CREB5: variants seen among roughly 807,000 people sequenced by gnomAD.
CREB5 encodes the protein cAMP responsive element binding protein 5.
A neutral mutation model predicts 57.1 loss-of-function variants in CREB5; 19 were observed. The ratio of observed to expected loss-of-function variants is 0.33; its 90% CI spans 0.23 to 0.49. CREB5 has a LOEUF of 0.49. Among genes scored for constraint, CREB5 ranks in the 20% least tolerant of loss-of-function variants. The pLI is 0.99. For synonymous variants in CREB5, 238 were observed against 238.3 expected (o/e 1.00, Z 0.01); for missense variants, 579 against 671.6 (o/e 0.86, Z 1.52).
intron 9 of CREB5, among the ~76,000 whole-genome samples, chr7:28,810,521 C>A (rs540398762): frequency 2.2e-4 from 34 of 151,954 alleles, no homozygotes; most frequent in Non-Finnish European, 4.9e-4. Flanking sequence ...GCAGAAACCC[C>A]GTCTCTACTA....
intron 1 of CREB5, among the ~76,000 whole-genome samples, chr7:28,385,676 C>CAA (rs56149219): frequency 9.3e-5 from 12 of 128,688 alleles, no homozygotes; most frequent in Non-Finnish European, 1.6e-4. Flanking sequence ...GACCCTGTCT[C>CAA]AAAAAAAAAA....
rs779495174 is a variant in CREB5 at position 28,809,171 on chromosome 7, C to T, written c.1027-16C>T. On this transcript the variant is annotated splice_polypyrimidine_tract_variant and intron_variant, in intron 8 of 10. Transcript: ENST00000357727. ...CTTCCCTATCCCCATCACCTCCTCC[C>T]TCTCTGGCCCAGCAGGTTTCACCAG... 1 of 1,599,688 alleles carries T rather than the reference C, an allele frequency of 6.3e-7. No individual in the cohort carries two copies. Among genetic ancestry groups the T allele is most frequent in the East Asian group, 2.2e-5 (1 of 44,730 alleles).
chr7:28,339,320 C>A lies in CREB5; in HGVS notation c.-25+39879C>A, dbSNP rs190963444. On this transcript the variant is annotated intron_variant, in intron 1 of 9. Coordinates refer to the CREB5 transcript ENST00000396299. ...GAGTGTTGTGATCTAAGTTTTTAGT[C>A]ATCACAGCCATATTTGCATTGGGGA... Among the ~76,000 whole-genome samples the A allele has an allele frequency of 4.6e-5, 7 of 152,254 alleles. No homozygotes were observed. The East Asian group carries it at 1.4e-3, about 29-fold the overall frequency.
chr7:28,654,345 G>A (rs9655281), intron 5 of CREB5, among the ~76,000 whole-genome samples: 29,908 of 152,140 alleles, frequency 0.2, 3,061 homozygotes, highest in South Asian at 0.29. Flanking sequence ...GTCAGTGGCT[G>A]GCAAAGTGAT....
chr7:28,318,039 A>G (rs552261194), intron 1 of CREB5, among the ~76,000 whole-genome samples: 16 of 152,322 alleles, frequency 1.1e-4, no homozygotes, highest in Middle Eastern at 3.4e-3. Flanking sequence ...AATATTCCCA[A>G]ATTTCCAATA....
chr7:28,777,759 T>A (rs1390219842), intron 7 of CREB5, among the ~76,000 whole-genome samples: 1 of 152,206 alleles, frequency 6.6e-6, no homozygotes, highest in Non-Finnish European at 1.5e-5. Context: ...AGTGAATTTT[T>A]AAAATTATAG....
Position 28,815,251 on chromosome 7 carries a change from C to T in CREB5, c.1255-2820C>T, listed in dbSNP as rs144784304. The stretch of plus-strand genomic sequence containing the variant: ...TGGTGCCACTGTAGTCCAGCCTGGA[C>T]GACATAGCAAGACCCTGTCTCTATA... On this transcript the variant is annotated intron_variant, in intron 9 of 10. Coordinates refer to ENST00000357727, the MANE Select transcript of CREB5 (RefSeq NM_182898.4). 6.3e-3 allele frequency among the ~76,000 whole-genome samples: 964 copies of T among 152,074 alleles called. 12 individuals carry two copies. Among genetic ancestry groups the T allele is most frequent in the Admixed American group, 0.03 (452 of 15,278 alleles).
At chr7:28,512,646 A>ACT (rs5883142) in intron 4 of CREB5, among the ~76,000 whole-genome samples, 36,153 of 135,156 alleles carry the variant, frequency 0.27, 5,072 homozygotes, top group African/African-American at 0.4. Flanking sequence ...TCATATAATA[A>ACT]CTGTGTGTGT....
In CREB5 at chr7:28,640,198, C is replaced by T. The variant is rs182171442; in HGVS notation, c.464+69661C>T. On this transcript the variant is annotated intron_variant, in intron 5 of 10. Transcript: ENST00000357727. Reference sequence around the variant, plus strand: ...TAAAGCAAGAGCCTCAGCCACAGAGCGTAACTCTCCATCCAGACTGCTCAC... The same window carrying T: ...TAAAGCAAGAGCCTCAGCCACAGAGTGTAACTCTCCATCCAGACTGCTCAC... Among the ~76,000 whole-genome samples the T allele has an allele frequency of 5.9e-5, 9 of 152,274 alleles. No homozygotes were observed. The East Asian group carries it at 1.2e-3, about 20-fold the overall frequency.
At chr7:28,775,210 G>C (rs530719900) in intron 7 of CREB5, among the ~76,000 whole-genome samples, 1 of 151,840 alleles carries the variant, frequency 6.6e-6, no homozygotes, top group African/African-American at 2.4e-5. Flanking sequence ...CACTATTCCC[G>C]TTGCCCACAA....
intron 5 of CREB5, among the ~76,000 whole-genome samples, chr7:28,658,624 C>T (rs1799428384): frequency 6.6e-6 from 1 of 152,144 alleles, no homozygotes; most frequent in Non-Finnish European, 1.5e-5. Context: ...ATAGACAGCT[C>T]ACTGAGGCCT....
intron 4 of CREB5, among the ~76,000 whole-genome samples, chr7:28,535,018 G>T (rs1223889220): frequency 7.1e-6 from 1 of 141,366 alleles, no homozygotes; most frequent in East Asian, 2.0e-4. Context: ...CTTACCTGAG[G>T]GCTTGCGGAC....
intron 9 of CREB5, among the ~76,000 whole-genome samples, chr7:28,811,018 A>AGAT (rs1244901778): frequency 1.3e-5 from 2 of 152,210 alleles, no homozygotes; most frequent in Non-Finnish European, 2.9e-5. Context: ...GAGGAAAATA[A>AGAT]GATAATGATT....
At chr7:28,558,121 A>G (rs1287480318) in intron 4 of CREB5, among the ~76,000 whole-genome samples, 1 of 152,180 alleles carries the variant, frequency 6.6e-6, no homozygotes, top group Non-Finnish European at 1.5e-5. Context: ...TCAAGAGAAA[A>G]ATGTTATCTC....
At chr7:28,579,762 G>A (rs1428689914) in intron 5 of CREB5, among the ~76,000 whole-genome samples, 1 of 152,112 alleles carries the variant, frequency 6.6e-6, no homozygotes, top group Non-Finnish European at 1.5e-5. Context: ...TTTTCTACAT[G>A]AATAATCATA....
At chr7:28,436,217 G>T (rs961957773) in intron 1 of CREB5, among the ~76,000 whole-genome samples, 1 of 151,898 alleles carries the variant, frequency 6.6e-6, no homozygotes, top group African/African-American at 2.4e-5. Context: ...AATGCCTCTT[G>T]CCCTTGTGGC....
At chr7:28,736,327 G>A (rs974041817) in intron 7 of CREB5, among the ~76,000 whole-genome samples, 1 of 151,840 alleles carries the variant, frequency 6.6e-6, no homozygotes, top group African/African-American at 2.4e-5. Flanking sequence ...GCACCACCAC[G>A]CCCGGCTAAT....
At chr7:28,420,956 G>T (rs42728) in intron 1 of CREB5, among the ~76,000 whole-genome samples, 1 of 152,208 alleles carries the variant, frequency 6.6e-6, no homozygotes, top group Non-Finnish European at 1.5e-5. Context: ...TTTCAAGTTA[G>T]ATGCATCCAC....
At chr7:28,662,638 C>T (rs576234933) in intron 5 of CREB5, among the ~76,000 whole-genome samples, 19 of 152,186 alleles carry the variant, frequency 1.2e-4, no homozygotes, top group Non-Finnish European at 2.2e-4. Context: ...CCAGCTCCCC[C>T]CAACACACAG....
Sources: gnomAD v4.1 joint callset for allele counts (sites outside exome capture counted in the v4.1 genomes callset) on GRCh38, gnomAD v4.1.1 for gene constraint, MANE v1.5 for transcripts, NCBI Gene and HGNC (gene_info 2026-07-23, HGNC 2026-07-21) for gene names.